Variants in NBAS observed in about 807,000 individuals in gnomAD.
NBAS encodes NAG/BC035112 fusion.
A neutral mutation model predicts 302.5 loss-of-function variants in NBAS; 219 were observed. That is an observed-to-expected ratio of 0.72 (90% CI 0.65 to 0.81). NBAS has a LOEUF of 0.81. Among genes scored for constraint, NBAS ranks in the 30% least tolerant of loss-of-function variants. The pLI is 0.00. For synonymous variants in NBAS, 1,118 were observed against 1,021.6 expected (o/e 1.09, Z -1.80); for missense variants, 2,932 against 2,841.6 (o/e 1.03, Z -0.72).
the NBAS span, among the ~76,000 whole-genome samples, chr2:14,805,428 CT>C: frequency 6.6e-6 from 1 of 152,214 alleles, no homozygotes; most frequent in East Asian, 1.9e-4. Flanking sequence ...GGAGTCTGAA[CT>C]TTATTTGCAG....
chr2:15,090,103 G>C, the NBAS span, among the ~76,000 whole-genome samples: 1 of 152,132 alleles, frequency 6.6e-6, no homozygotes, highest in Non-Finnish European at 1.5e-5. Flanking sequence ...ACTCTGAATT[G>C]TTCCCAAAAG....
the NBAS span, among the ~76,000 whole-genome samples, chr2:14,958,058 G>A: frequency 1.3e-5 from 2 of 152,326 alleles, no homozygotes; most frequent in South Asian, 4.1e-4. Flanking sequence ...TGCATATGGT[G>A]AGTTTGCCTT....
chr2:15,284,383 A>G (rs1032695677), intron 42 of NBAS, among the ~76,000 whole-genome samples: 4 of 152,154 alleles, frequency 2.6e-5, no homozygotes, highest in African/African-American at 9.6e-5. Context: ...TTGCCCATGG[A>G]CACACACCTA....
the NBAS span, among the ~76,000 whole-genome samples, chr2:14,809,742 G>C: frequency 6.6e-6 from 1 of 152,136 alleles, no homozygotes; most frequent in Admixed American, 6.5e-5. Flanking sequence ...CCCCCAAATG[G>C]TAGACTCACC....
At chr2:15,164,136 C>G (rs1191361158), downstream of NBAS, among the ~76,000 whole-genome samples, 1 of 152,166 alleles carries the variant, frequency 6.6e-6, no homozygotes, top group African/African-American at 2.4e-5. Flanking sequence ...ATAGAGTGTG[C>G]CCTTTGGGAA....
the NBAS span, among the ~76,000 whole-genome samples, chr2:14,864,819 A>C: frequency 1.1e-3 from 170 of 152,340 alleles, 3 homozygotes; most frequent in East Asian, 0.029. Flanking sequence ...TTGATGAAAG[A>C]ATTAAATACG....
At chr2:15,338,068 C>A (rs1359204195) in intron 35 of NBAS, among the ~76,000 whole-genome samples, 1 of 152,190 alleles carries the variant, frequency 6.6e-6, no homozygotes, top group Non-Finnish European at 1.5e-5. Flanking sequence ...TTTTTCAAAT[C>A]CTGTAACAAC....
chr2:15,242,541 A>T (rs1170790772), intron 44 of NBAS, among the ~76,000 whole-genome samples: 2 of 152,102 alleles, frequency 1.3e-5, no homozygotes, highest in African/African-American at 4.8e-5. Context: ...TATATGTTTA[A>T]CACTGAATTT....
chr2:15,555,285 T>C (rs1664594341), intron 3 of NBAS, among the ~76,000 whole-genome samples: 1 of 150,530 alleles, frequency 6.6e-6, no homozygotes, highest in Admixed American at 6.6e-5. Flanking sequence ...AAATTAGTAA[T>C]ATACATGTAG....
intron 48 of NBAS, among the ~76,000 whole-genome samples, chr2:15,215,095 G>A (rs1229456838): frequency 6.6e-6 from 1 of 152,022 alleles, no homozygotes; most frequent in African/African-American, 2.4e-5. Context: ...GAAAAACTCA[G>A]ATAAACCGTA....
intron 9 of NBAS, among the ~76,000 whole-genome samples, chr2:15,518,025 ACTTCTC>A (rs1253508990): frequency 6.6e-6 from 1 of 151,958 alleles, no homozygotes; most frequent in Non-Finnish European, 1.5e-5. Flanking sequence ...CATTCTCTGT[ACTTCTC>A]CTTCTCTCTC....
At chr2:14,838,275 C>G in the NBAS span, among the ~76,000 whole-genome samples, 1 of 151,912 alleles carries the variant, frequency 6.6e-6, no homozygotes, top group Admixed American at 6.6e-5. Flanking sequence ...TTCCATTATG[C>G]TCTATTCTAA....
the NBAS span, among the ~76,000 whole-genome samples, chr2:15,137,173 CA>C: frequency 1.4e-4 from 22 of 152,192 alleles, no homozygotes; most frequent in Non-Finnish European, 2.9e-4. Context: ...TGGACTTTCC[CA>C]GGCTCAGAAT....
chr2:15,088,223 T>C, the NBAS span, among the ~76,000 whole-genome samples: 1 of 152,156 alleles, frequency 6.6e-6, no homozygotes, highest in African/African-American at 2.4e-5. Context: ...ATGCTGGTTG[T>C]TTGGAGCCAA....
the NBAS span, among the ~76,000 whole-genome samples, chr2:15,014,807 T>A: frequency 6.6e-6 from 1 of 151,584 alleles, no homozygotes; most frequent in Non-Finnish European, 1.5e-5. Context: ...CAGAAATAAA[T>A]AAAATTGAGA....
chr2:14,902,886 G>A, the NBAS span, among the ~76,000 whole-genome samples: 1 of 152,168 alleles, frequency 6.6e-6, no homozygotes, highest in Non-Finnish European at 1.5e-5. Flanking sequence ...TGGCCATTCT[G>A]AGGAAAATAA....
At chr2:14,962,228 G>C in the NBAS span, among the ~76,000 whole-genome samples, 2 of 152,194 alleles carry the variant, frequency 1.3e-5, no homozygotes, top group Admixed American at 1.3e-4. Flanking sequence ...AGCATATGTA[G>C]GCACATGTCT....
chr2:15,306,307 C>T (rs1449694034), intron 40 of NBAS, among the ~76,000 whole-genome samples: 1 of 152,142 alleles, frequency 6.6e-6, no homozygotes, highest in African/African-American at 2.4e-5. Context: ...AAACACCATT[C>T]CCAAAACAAA....
At chr2:14,910,072 G>A in the NBAS span, among the ~76,000 whole-genome samples, 42 of 152,280 alleles carry the variant, frequency 2.8e-4, no homozygotes, top group Non-Finnish European at 4.9e-4. Context: ...TCAGTTTAGC[G>A]GGGAGAGTTC....
Sources: allele counts gnomAD v4.1 joint callset (sites outside exome capture counted in the v4.1 genomes callset), GRCh38; gene constraint gnomAD v4.1.1; transcripts MANE v1.5; gene names NCBI Gene and HGNC (gene_info 2026-07-23, HGNC 2026-07-21).